Variants in SUGCT observed in about 807,000 individuals in gnomAD.
The protein encoded by SUGCT is succinyl-CoA:glutarate-CoA transferase.
SUGCT carries 41 observed loss-of-function variants against 55.0 expected under a neutral mutation model. The observed-to-expected ratio is 0.74, with a 90% CI of 0.58 to 0.97. SUGCT has a LOEUF of 0.97. Ranked by LOEUF, SUGCT falls within the 50% of genes least tolerant of loss-of-function variation. SUGCT has a pLI of 0.00. For missense variants in SUGCT, 568 were observed against 547.8 expected (o/e 1.04, Z -0.37); for synonymous variants, 187 against 200.4 (o/e 0.93, Z 0.56).
At chr7:41,020,449 C>A in the SUGCT span, among the ~76,000 whole-genome samples, 1 of 152,160 alleles carries the variant, frequency 6.6e-6, no homozygotes, top group Non-Finnish European at 1.5e-5. Flanking sequence ...TGAAAAGTTT[C>A]ATTATTAAAA....
intron 12 of SUGCT, among the ~76,000 whole-genome samples, chr7:40,606,490 G>A (rs1041238131): frequency 1.3e-5 from 2 of 152,194 alleles, no homozygotes; most frequent in Non-Finnish European, 2.9e-5. Context: ...TCTTTGTGTG[G>A]AATACAGGGG....
chr7:40,533,394 TTAAG>T (rs920743445), intron 12 of SUGCT, among the ~76,000 whole-genome samples: 5 of 152,116 alleles, frequency 3.3e-5, no homozygotes, highest in Non-Finnish European at 5.9e-5. Context: ...AGAATATCAA[TTAAG>T]TGTTAATATT....
chr7:40,232,886 C>T (rs1026964102), intron 6 of SUGCT, among the ~76,000 whole-genome samples: 1 of 152,120 alleles, frequency 6.6e-6, no homozygotes, highest in African/African-American at 2.4e-5. Context: ...GATATGCATA[C>T]ATTTTTCCTC....
chr7:40,263,492 G>C (rs1376012891), intron 7 of SUGCT, among the ~76,000 whole-genome samples: 1 of 151,924 alleles, frequency 6.6e-6, no homozygotes, highest in East Asian at 1.9e-4. Flanking sequence ...ATTGATTTGG[G>C]GTCTCATCTT....
chr7:40,561,376 C>T (rs1795826973), intron 12 of SUGCT, among the ~76,000 whole-genome samples: 1 of 152,172 alleles, frequency 6.6e-6, no homozygotes. Flanking sequence ...TGTATTTCAT[C>T]TGAAATTGGA....
At chr7:40,704,271 C>T (rs1415092960) in intron 12 of SUGCT, among the ~76,000 whole-genome samples, 1 of 152,164 alleles carries the variant, frequency 6.6e-6, no homozygotes, top group Non-Finnish European at 1.5e-5. Flanking sequence ...CACTTCTCTT[C>T]ATCTGTAAGT....
At position 40,839,222 on chromosome 7, in the gene SUGCT, ACTGT is replaced by A. The variant is rs371480132; in HGVS notation, c.1154-21087_1154-21084del. Among the ~76,000 whole-genome samples, 295 of 152,196 alleles carry A rather than the reference ACTGT, an allele frequency of 1.9e-3. 2 individuals carry two copies. The highest frequency in any genetic ancestry group is 6.8e-3 in the African/African-American group (281 of 41,538). ...TTGACCCCTAGTTTTCTTTTGATGTACTGTCTGTCTAGTTTTGAGACCATATTTT... is the reference window on the plus strand; with the variant it reads ...TTGACCCCTAGTTTTCTTTTGATGTACTGTCTAGTTTTGAGACCATATTTT... On this transcript the variant is annotated intron_variant, in intron 13 of 13. Coordinates refer to ENST00000335693, the MANE Select transcript of SUGCT (RefSeq NM_001193313.2).
At chr7:40,820,466 G>C (rs985089115) in intron 13 of SUGCT, among the ~76,000 whole-genome samples, 5 of 149,666 alleles carry the variant, frequency 3.3e-5, no homozygotes, top group Non-Finnish European at 5.9e-5. Flanking sequence ...AGTTCTCCTT[G>C]AAGAGGTCCT....
At chr7:40,156,609 C>G (rs1027638677) in intron 1 of SUGCT, among the ~76,000 whole-genome samples, 14 of 152,290 alleles carry the variant, frequency 9.2e-5, no homozygotes, top group Admixed American at 7.2e-4. Context: ...CCTCCTACCC[C>G]TTCACCACCT....
the SUGCT span, among the ~76,000 whole-genome samples, chr7:40,962,490 C>T: frequency 2.0e-5 from 3 of 150,904 alleles, no homozygotes; most frequent in East Asian, 5.9e-4. Flanking sequence ...CTTCAGATTG[C>T]ATAATATTCA....
chr7:40,765,714 G>A (rs938844918), intron 13 of SUGCT, among the ~76,000 whole-genome samples: 8 of 152,160 alleles, frequency 5.3e-5, no homozygotes, highest in African/African-American at 1.9e-4. Flanking sequence ...ACCAAGGGAA[G>A]GCCCATACAG....
At chr7:40,273,392 T>C (rs551678747) in intron 7 of SUGCT, among the ~76,000 whole-genome samples, 4 of 152,316 alleles carry the variant, frequency 2.6e-5, no homozygotes, top group African/African-American at 7.2e-5. Flanking sequence ...AAGGAGGTAA[T>C]TGAATCACTG....
chr7:40,314,730 A>G (rs890055777), intron 8 of SUGCT, among the ~76,000 whole-genome samples: 2 of 150,556 alleles, frequency 1.3e-5, no homozygotes, highest in African/African-American at 2.4e-5. Context: ...ATGCCTGGCT[A>G]ATTTTGTATT....
At chr7:40,138,851 T>C (rs1787831853) in intron 1 of SUGCT, among the ~76,000 whole-genome samples, 1 of 152,214 alleles carries the variant, frequency 6.6e-6, no homozygotes, top group Admixed American at 6.5e-5. Flanking sequence ...TAGACAATTC[T>C]AGCAATATAC....
At chr7:40,595,326 C>A (rs1055641763) in intron 12 of SUGCT, among the ~76,000 whole-genome samples, 1 of 152,160 alleles carries the variant, frequency 6.6e-6, no homozygotes, top group Non-Finnish European at 1.5e-5. Context: ...ATTTGTGGAG[C>A]CTTCAGGAAG....
chr7:40,478,536 G>T (rs1790841218), intron 11 of SUGCT, among the ~76,000 whole-genome samples: 1 of 152,002 alleles, frequency 6.6e-6, no homozygotes, highest in African/African-American at 2.4e-5. Context: ...GTTTTTTAAA[G>T]GTGTATTTAA....
chr7:40,606,104 A>G (rs936772496), intron 12 of SUGCT, among the ~76,000 whole-genome samples: 1 of 152,208 alleles, frequency 6.6e-6, no homozygotes, highest in African/African-American at 2.4e-5. Context: ...GATAGAGGGT[A>G]GAGGAATGTC....
intron 1 of SUGCT, among the ~76,000 whole-genome samples, chr7:40,179,350 A>G (rs1489078107): frequency 3.3e-5 from 5 of 151,294 alleles, no homozygotes; most frequent in Non-Finnish European, 7.4e-5. Context: ...CTGGAGTGCA[A>G]TGGCGCCATC....
At chr7:40,644,609 ACT>A (rs1355349296) in intron 12 of SUGCT, among the ~76,000 whole-genome samples, 1 of 152,042 alleles carries the variant, frequency 6.6e-6, no homozygotes, top group African/African-American at 2.4e-5. Context: ...ACCCACAGGC[ACT>A]CTCTGCTCAG....
Sources: allele counts gnomAD v4.1 joint callset (sites outside exome capture counted in the v4.1 genomes callset), GRCh38; gene constraint gnomAD v4.1.1; transcripts MANE v1.5; gene names NCBI Gene and HGNC (gene_info 2026-07-23, HGNC 2026-07-21).